The following ACOT7 variants were observed in gnomAD, a reference collection of about 807,000 sequenced individuals.
ACOT7 encodes cytosolic acyl coenzyme A thioester hydrolase.
Under a neutral mutation model 40.2 loss-of-function variants are expected in ACOT7, and 12 were observed. That is an observed-to-expected ratio of 0.30 (90% CI 0.19 to 0.48). The LOEUF (loss-of-function observed/expected upper bound fraction) is 0.48, where lower values mean the gene tolerates loss of function less well. Among genes scored for constraint, ACOT7 ranks in the 20% least tolerant of loss-of-function variants. The pLI is 0.99. For synonymous variants in ACOT7, 228 were observed against 219.5 expected, an observed-to-expected ratio of 1.04 and a Z score of -0.34; for missense variants, 395 against 530.8, an observed-to-expected ratio of 0.74 and a Z score of 2.51.
rs536329967 is a variant in ACOT7 at position 6,300,482 on chromosome 1, T to C, written c.713-5502A>G. On this transcript the variant is annotated intron_variant, in intron 6 of 8. Transcript: ENST00000361521. Reference sequence around the variant, plus strand: ...CCCTCCCCTCTCCACAAACACGGAATCTCACCGGACCCCACCCGATCCTGT... The same window carrying C: ...CCCTCCCCTCTCCACAAACACGGAACCTCACCGGACCCCACCCGATCCTGT... Among the ~76,000 whole-genome samples, 11 of 151,554 alleles carry C rather than the reference T, an allele frequency of 7.3e-5. No homozygotes were observed. In the East Asian group the frequency reaches 2.1e-3, roughly 29 times the overall value.
At chr1:6,344,786 A>AG (rs1641374369) in intron 2 of ACOT7, among the ~76,000 whole-genome samples, 1 of 150,682 alleles carries the variant, frequency 6.6e-6, no homozygotes, top group Non-Finnish European at 1.5e-5. Context: ...AAAAAAAAAA[A>AG]AAAAGAAAAG....
chr1:6,359,679 C>T lies in ACOT7; in HGVS notation c.144-9813G>A, dbSNP rs982185480. Among the ~76,000 whole-genome samples the T allele has an allele frequency of 2.3e-4, 35 of 152,346 alleles. 1 individual carries two copies. The highest frequency in any genetic ancestry group is 7.9e-4 in the African/African-American group (33 of 41,572). ...CCAAACAATCACAGCGGCCAGGGTG[C>T]AGGCTACAGGAGGCCCAGTGCAGGA... On this transcript the variant is annotated intron_variant, in intron 1 of 8. Coordinates refer to ENST00000361521, the MANE Select transcript of ACOT7 (RefSeq NM_007274.4). This position sits in a 1 kb window ranked among gnomAD's most constrained non-coding sequence, Gnocchi z 4.1.
At position 6,349,767 on chromosome 1, in the gene ACOT7, A is replaced by G; in HGVS notation, c.243T>C (p.His81=). The change falls in exon 2 of 9, where the codon CAT becomes CAC. Residue 81 remains histidine (H), a synonymous_variant. Coordinates refer to ENST00000361521, the MANE Select transcript of ACOT7 (RefSeq NM_007274.4). ...CCCTTACCCCGTTCTGGCTGTTGCA[A>G]TGCCGGGTGCTGATGATGGCGCCTG... is the stretch of plus-strand genomic sequence containing the variant. The part of the protein sequence containing the change: ...EEAGAIISTR[H]CNSQNGERCV... 1 of 1,613,904 alleles carries G rather than the reference A, an allele frequency of 6.2e-7. No individual in the cohort carries two copies. Among genetic ancestry groups the G allele is most frequent in the South Asian group, 1.1e-5 (1 of 90,992 alleles).
intron 2 of ACOT7, among the ~76,000 whole-genome samples, chr1:6,348,225 A>G (rs1309580384): frequency 6.6e-6 from 1 of 151,906 alleles, no homozygotes; most frequent in Non-Finnish European, 1.5e-5. Flanking sequence ...CTGCCAGCAA[A>G]CCCACTCCTG....
intron 7 of ACOT7, among the ~76,000 whole-genome samples, chr1:6,292,184 T>C (rs1169055607): frequency 1.3e-5 from 2 of 152,232 alleles, no homozygotes; most frequent in South Asian, 2.1e-4. Context: ...AATTCCTCTA[T>C]ACACAAAACA....
At chr1:6,295,274 A>C in intron 6 of ACOT7, 12 of 242,636 alleles carry the variant, frequency 4.9e-5, no homozygotes, top group Non-Finnish European at 6.5e-5. Context: ...TTGTTACAAT[A>C]TCAACTGGGA....
chr1:6,349,323 T>C (rs72858371), intron 2 of ACOT7, among the ~76,000 whole-genome samples: 12,388 of 152,248 alleles, frequency 0.081, 1,173 homozygotes, highest in African/African-American at 0.24. Flanking sequence ...CGGCACTTGC[T>C]ATGGTGCCAT....
chr1:6,388,426 T>C (rs1642475915), intron 1 of ACOT7, among the ~76,000 whole-genome samples: 1 of 151,586 alleles, frequency 6.6e-6, no homozygotes, highest in African/African-American at 2.4e-5. Flanking sequence ...TTCTTTTCAT[T>C]AATTCCATTA....
rs561943319 is a variant in ACOT7 at position 6,284,576 on chromosome 1, CA to C, written c.830-3291del. On this transcript the variant is annotated intron_variant, in intron 7 of 8. Coordinates refer to ENST00000361521, the MANE Select transcript of ACOT7 (RefSeq NM_007274.4). ...GGGCAACAAGAGCGAAACTCCATCT[CA>C]AAAAAAAAAAAAAAAAAAAAAAGAA... Among the ~76,000 whole-genome samples the C allele has an allele frequency of 8.9e-3, 519 of 57,992 alleles. 1 individual carries two copies. Among genetic ancestry groups the C allele is most frequent in the Non-Finnish European group, 0.013 (385 of 29,558 alleles). 38.0% of individuals were successfully genotyped at this position (57,992 alleles called of 152,430 possible).
chr1:6,314,625 G>A (rs1261957459), intron 6 of ACOT7, among the ~76,000 whole-genome samples: 1 of 151,966 alleles, frequency 6.6e-6, no homozygotes, highest in Non-Finnish European at 1.5e-5. Context: ...GGGGTAACTG[G>A]TCTTTTCTGG....
intron 1 of ACOT7, among the ~76,000 whole-genome samples, chr1:6,389,858 GATGGTGGGA>G (rs1358827590): frequency 6.6e-6 from 1 of 151,896 alleles, no homozygotes; most frequent in African/African-American, 2.4e-5. Flanking sequence ...TTGTGTCTAA[GATGGTGGGA>G]ATTTGGACGT....
chr1:6,392,568 C>T (rs77095851), intron 1 of ACOT7, among the ~76,000 whole-genome samples: 117 of 152,324 alleles, frequency 7.7e-4, no homozygotes, highest in African/African-American at 2.7e-3. Context: ...TCTAGAAGGA[C>T]AACCCTTTGC....
chr1:6,282,557 T>A lies in ACOT7; in HGVS notation c.830-1271A>T, dbSNP rs1272895828. Among the ~76,000 whole-genome samples, 1 of 152,106 alleles carries A rather than the reference T, an allele frequency of 6.6e-6. No homozygotes were observed. Among genetic ancestry groups the A allele is most frequent in the African/African-American group, 2.4e-5 (1 of 41,428 alleles). On this transcript the variant is annotated intron_variant, in intron 7 of 8. Coordinates refer to ENST00000361521, the MANE Select transcript of ACOT7 (RefSeq NM_007274.4). The surrounding 1 kb of genome is among the most constrained non-coding windows in gnomAD (Gnocchi z 4.5). ...AATGTGGCCTCTGGAACCCCCAGTG[T>A]CCTAGCTGCACCGAGACCAGCCTCA...
intron 4 of ACOT7, among the ~76,000 whole-genome samples, chr1:6,328,347 T>C (rs1640862569): frequency 6.6e-6 from 1 of 151,894 alleles, no homozygotes; most frequent in East Asian, 1.9e-4. Flanking sequence ...CTCCAGAAGT[T>C]AAAAATAAAT....
At chr1:6,293,871 C>T (rs1639738916) in intron 7 of ACOT7, among the ~76,000 whole-genome samples, 1 of 152,204 alleles carries the variant, frequency 6.6e-6, no homozygotes, top group South Asian at 2.1e-4. Context: ...CTGCCCTAGT[C>T]CAGGGTCTCC....
At chr1:6,380,525 G>T (rs1013588103) in intron 1 of ACOT7, among the ~76,000 whole-genome samples, 2 of 149,440 alleles carry the variant, frequency 1.3e-5, no homozygotes, top group Non-Finnish European at 3.0e-5. Flanking sequence ...GGAGGCGAAG[G>T]TTGTAATGAG....
At position 6,311,600 on chromosome 1, in the gene ACOT7, G is replaced by GT. The variant is rs1359746572; in HGVS notation, c.712+6891dup. 6.6e-6 allele frequency among the ~76,000 whole-genome samples: 1 copy of GT among 152,188 alleles called. No homozygotes were observed. Among genetic ancestry groups the GT allele is most frequent in the Non-Finnish European group, 1.5e-5 (1 of 68,038 alleles). On this transcript the variant is annotated intron_variant, in intron 6 of 8. Transcript: ENST00000361521. The surrounding 1 kb of genome is among the most constrained non-coding windows in gnomAD (Gnocchi z 5.2). ...GTGGTATAATTCAGGGAGGATCACA[G>GT]TAACTAACTGTAGGAATGAGGTTCT...
rs1036604368 is a variant in ACOT7, at chr1:6,352,484, G to A, written c.144-2618C>T. ...CCATGGCCTGGCCAAGGCCAACCGT[G>A]TCCATCCCAGGACAGGGTCATGACT... On this transcript the variant is annotated intron_variant, in intron 1 of 8. Transcript: ENST00000361521. The surrounding 1 kb of genome is among the most constrained non-coding windows in gnomAD (Gnocchi z 4.5). Among the ~76,000 whole-genome samples, 1 of 152,210 alleles carries A rather than the reference G, an allele frequency of 6.6e-6. No individual in the cohort carries two copies. Among genetic ancestry groups the A allele is most frequent in the African/African-American group, 2.4e-5 (1 of 41,468 alleles).
chr1:6,319,140 C>T (rs1640573798), intron 5 of ACOT7, among the ~76,000 whole-genome samples: 1 of 152,192 alleles, frequency 6.6e-6, no homozygotes, highest in Admixed American at 6.5e-5. Context: ...CTTTAAGAGG[C>T]CGCACTTAAG....
Sources: gnomAD v4.1 joint callset for allele counts (sites outside exome capture counted in the v4.1 genomes callset) on GRCh38, gnomAD v4.1.1 for gene constraint, Gnocchi (gnomAD v3.1) non-coding constraint, MANE v1.5 for transcripts, NCBI Gene and HGNC (gene_info 2026-07-23, HGNC 2026-07-21) for gene names.